The following KCNK17 variants were observed in gnomAD, a reference collection of about 807,000 sequenced individuals.
KCNK17 encodes potassium two pore domain channel subfamily K member 17.
A neutral mutation model predicts 24.6 loss-of-function variants in KCNK17; 27 were observed. The observed-to-expected ratio is 1.10, with a 90% CI of 0.81 to 1.51. KCNK17 has a LOEUF of 1.51. Ranked by LOEUF, KCNK17 falls within the 40% of genes most tolerant of loss-of-function variation. KCNK17 has a pLI of 0.00. For missense variants in KCNK17, 450 were observed against 436.6 expected (o/e 1.03, Z -0.27); for synonymous variants, 181 against 189.8 (o/e 0.95, Z 0.38).
chr6:39,311,815 G>C (rs907551292), intron 1 of KCNK17, among the ~76,000 whole-genome samples: 3 of 152,142 alleles, frequency 2.0e-5, no homozygotes, highest in Non-Finnish European at 4.4e-5. Flanking sequence ...AGGTAGATGG[G>C]ACAGCAGTGC....
Position 39,312,151 on chromosome 6 carries a change from G to A in KCNK17, c.238-1144C>T, listed in dbSNP as rs368737562. 3.6e-4 allele frequency among the ~76,000 whole-genome samples: 55 copies of A among 152,312 alleles called. No individual in the cohort carries two copies. The East Asian group carries it at 9.3e-3, about 26-fold the overall frequency. ...GGCCCTATTTAGTATGGGCAGTAAA[G>A]GAGATGTTGCAGAGGATTGTGAGGG... On this transcript the variant is annotated intron_variant, in intron 1 of 4. Transcript: ENST00000373231.
intron 1 of KCNK17, 141 bp from the exon 2 acceptor site, chr6:39,311,148 A>C: frequency 1.8e-6 from 1 of 558,992 alleles, no homozygotes; most frequent in Non-Finnish European, 3.2e-6. Context: ...AGCCCTCACA[A>C]TTACTCTTCG....
At chr6:39,304,710 C>A in intron 2 of KCNK17, 55 bp from the exon 3 acceptor site, 4 of 1,568,840 alleles carry the variant, frequency 2.5e-6, no homozygotes, top group Non-Finnish European at 3.5e-6. Context: ...TGTCCACTCA[C>A]CACCACAGCC....
rs531479000 is a variant in KCNK17 at position 39,300,741 on chromosome 6, C to T, written c.689-1004G>A. On this transcript the variant is annotated intron_variant, in intron 4 of 4. Coordinates refer to ENST00000373231, the MANE Select transcript of KCNK17 (RefSeq NM_031460.4). ...TGCCTGGTCATTCTGGTCTTTTTCCCGTTTCCCCATCTATCATTCTTTCTG... is the reference window on the plus strand; with the variant it reads ...TGCCTGGTCATTCTGGTCTTTTTCCTGTTTCCCCATCTATCATTCTTTCTG... 1.2e-4 allele frequency among the ~76,000 whole-genome samples: 18 copies of T among 152,206 alleles called. No homozygotes were observed. In the South Asian group the frequency reaches 3.1e-3, roughly 26 times the overall value.
chr6:39,308,500 C>T (rs192892980), intron 2 of KCNK17, among the ~76,000 whole-genome samples: 302 of 152,290 alleles, frequency 2.0e-3, no homozygotes, highest in African/African-American at 6.9e-3. Flanking sequence ...CATGTTGGCC[C>T]GGCTGGTCTC....
Position 39,299,557 on chromosome 6 carries a change from C to T in KCNK17, c.869G>A (p.Trp290Ter). 1 of 1,614,196 alleles carries T rather than the reference C, an allele frequency of 6.2e-7. No individual in the cohort carries two copies. Among genetic ancestry groups the T allele is most frequent in the Non-Finnish European group, 8.5e-7 (1 of 1,180,046 alleles). ...SSKEDFKSQSWRQGPDREPES... is the reference protein window; with the variant it reads ...SSKEDFKSQS Reference sequence around the variant, plus strand: ...TGGCTCCCGGTCAGGTCCCTGTCTCCAGCTTTGGGACTTGAAGTCTTCCTT... The same window carrying T: ...TGGCTCCCGGTCAGGTCCCTGTCTCTAGCTTTGGGACTTGAAGTCTTCCTT... Residue 290 changes from tryptophan (W) to a stop codon, truncating the protein, a stop_gained, in exon 5 of 5, where the codon TGG (tryptophan) becomes TAG (stop). Coordinates refer to ENST00000373231, the MANE Select transcript of KCNK17 (RefSeq NM_031460.4). LOFTEE classifies it low-confidence loss of function (END_TRUNC).
chr6:39,299,684 A>T lies in KCNK17; in HGVS notation c.742T>A (p.Trp248Arg). 6.2e-7 allele frequency: 1 copy of T among 1,614,170 alleles called. No homozygotes were observed. The highest frequency in any genetic ancestry group is 8.5e-7 in the Non-Finnish European group (1 of 1,180,030). The change falls in exon 5 of 5, where the codon TGG (tryptophan) becomes AGG (arginine). Residue 248 changes from tryptophan (W) to arginine (R), a missense_variant. Transcript: ENST00000373231. Reference protein sequence around the residue: ...PLWYKNMVSLWILFGMAWLAL... With the variant: ...PLWYKNMVSLRILFGMAWLAL... ...AGCCATGCCATCCCAAAGAGGATCC[A>T]CAGGGACACCATGTTCTTGTACCAC...
In KCNK17 at chr6:39,311,001, C is replaced by T. The variant is rs138727524; in HGVS notation, c.244G>A (p.Val82Ile). The T allele has an allele frequency of 8.1e-6, 13 of 1,597,558 alleles. No individual in the cohort carries two copies. The highest frequency in any genetic ancestry group is 3.4e-5 in the Admixed American group (2 of 59,106). Residue 82 changes from valine (V) to isoleucine (I), a missense_variant, in exon 2 of 5, where the codon GTC becomes ATC. By Grantham distance (29) the Val-to-Ile change is conservative (BLOSUM62 3). Transcript: ENST00000373231. The part of the protein sequence containing the change: ...PALDSLIRDV[V>I]QAYKNGASLL... ...CTGGCTCCGTTTTTGTATGCTTGGA[C>T]GACATCCTGGGGAAGAGGCTGCAAT... is the stretch of plus-strand genomic sequence containing the variant.
At chr6:39,304,367 C>A in intron 3 of KCNK17, 128 bp downstream of exon 3, 1 of 905,322 alleles carries the variant, frequency 1.1e-6, no homozygotes. Flanking sequence ...TGAGCAGTGA[C>A]CCCCAATCCC....
chr6:39,307,493 G>C (rs984401815), intron 2 of KCNK17, among the ~76,000 whole-genome samples: 1 of 152,142 alleles, frequency 6.6e-6, no homozygotes. Context: ...TGTAGGTCCT[G>C]CCAAGTTCCA....
Position 39,299,432 on chromosome 6 carries a change from T to A in KCNK17, c.994A>T (p.Ser332Cys), listed in dbSNP as rs1433159860. The change falls in exon 5 of 5, where the codon AGC becomes TGC. Residue 332 changes from serine to cysteine, a missense_variant. Ser to Cys is a moderately radical substitution (Grantham distance 112, BLOSUM62 -1). Coordinates refer to ENST00000373231, the MANE Select transcript of KCNK17 (RefSeq NM_031460.4). ...SAHAAGCGKD[S>C] ...GACCAAAGAATGGAGTATAACTAGC[T>A]GTCCTTGCCACAGCCTGCAGCGTGA... 6.2e-7 allele frequency: 1 copy of A among 1,611,440 alleles called. No homozygotes were observed. The highest frequency in any genetic ancestry group is 1.3e-5 in the African/African-American group (1 of 74,992).
intron 4 of KCNK17, among the ~76,000 whole-genome samples, chr6:39,300,894 G>C (rs747650073): frequency 1.3e-5 from 2 of 152,136 alleles, no homozygotes; most frequent in Non-Finnish European, 2.9e-5. Context: ...GACCACGTTG[G>C]GTTCCTCTGT....
intron 4 of KCNK17, among the ~76,000 whole-genome samples, chr6:39,302,133 A>G (rs919682433): frequency 1.3e-5 from 2 of 152,186 alleles, no homozygotes; most frequent in Non-Finnish European, 2.9e-5. Context: ...GCTACGAGGC[A>G]CTGCCATGAC....
intron 1 of KCNK17, among the ~76,000 whole-genome samples, chr6:39,313,396 G>A (rs1353515813): frequency 6.6e-6 from 1 of 152,216 alleles, no homozygotes; most frequent in African/African-American, 2.4e-5. Flanking sequence ...GCCAGAGAGC[G>A]GCCCTGCGTC....
In KCNK17 at chr6:39,311,025, A is replaced by G. The variant is rs1339115514; in HGVS notation, c.238-18T>C. The G allele has an allele frequency of 2.6e-6, 4 of 1,527,732 alleles. No individual in the cohort carries two copies. Among genetic ancestry groups the G allele is most frequent in the African/African-American group, 2.7e-5 (2 of 72,754 alleles). 94.6% of individuals were successfully genotyped at this position (1,527,732 alleles called of 1,614,324 possible). On this transcript the variant is annotated intron_variant, in intron 1 of 4. Coordinates refer to ENST00000373231, the MANE Select transcript of KCNK17 (RefSeq NM_031460.4). ...ACGACATCCTGGGGAAGAGGCTGCA[A>G]TGACCACCAGGCTCTGTGGGGTGAT...
Position 39,299,315 on chromosome 6 carries a change from A to C in KCNK17, c.*112T>G. 1.3e-6 allele frequency: 1 copy of C among 775,688 alleles called. No homozygotes were observed. Among genetic ancestry groups the C allele is most frequent in the Non-Finnish European group, 2.1e-6 (1 of 483,724 alleles). 48.1% of individuals were successfully genotyped at this position (775,688 alleles called of 1,614,324 possible). The stretch of plus-strand genomic sequence containing the variant: ...TGGGCAGAATTAATCATATAGCTGC[A>C]CCCAGCCTCTAGGGTGGATGGAAAA... On this transcript the variant is annotated 3_prime_UTR_variant, in exon 5 of 5. Transcript: ENST00000373231.
chr6:39,307,779 G>A (rs574483933), intron 2 of KCNK17, among the ~76,000 whole-genome samples: 6 of 152,202 alleles, frequency 3.9e-5, no homozygotes, highest in South Asian at 2.1e-4. Flanking sequence ...GGATCTCTGG[G>A]CATCCTGCAA....
rs142289538 is a variant in KCNK17 at position 39,300,459 on chromosome 6, C to T, written c.689-722G>A. Reference sequence around the variant, plus strand: ...ATTTTAACAAGCCCCCAGAGGATTTCGATGTCCGCTCTAGTGTTTGCCAGT... The same window carrying T: ...ATTTTAACAAGCCCCCAGAGGATTTTGATGTCCGCTCTAGTGTTTGCCAGT... On this transcript the variant is annotated intron_variant, in intron 4 of 4. Coordinates refer to ENST00000373231, the MANE Select transcript of KCNK17 (RefSeq NM_031460.4). 1.1e-4 allele frequency: 165 copies of T among 1,546,336 alleles called. No individual in the cohort carries two copies. The African/African-American group carries it at 1.6e-3, about 15-fold the overall frequency.
At chr6:39,307,777 G>A (rs1273677037) in intron 2 of KCNK17, among the ~76,000 whole-genome samples, 1 of 152,080 alleles carries the variant, frequency 6.6e-6, no homozygotes, top group Non-Finnish European at 1.5e-5. Context: ...TGGGATCTCT[G>A]GGCATCCTGC....
Sources: allele counts gnomAD v4.1 joint callset (sites outside exome capture counted in the v4.1 genomes callset), GRCh38; gene constraint gnomAD v4.1.1; transcripts MANE v1.5; gene names NCBI Gene and HGNC (gene_info 2026-07-23, HGNC 2026-07-21).